The following LPCAT2 variants were observed in gnomAD, a reference collection of about 807,000 sequenced individuals.
LPCAT2 encodes the protein 1-AGP acyltransferase 11.
Under a neutral mutation model 64.7 loss-of-function variants are expected in LPCAT2, and 58 were observed. That is an observed-to-expected ratio of 0.90 (90% CI 0.73 to 1.12). The LOEUF is 1.12. Among genes scored for constraint, LPCAT2 ranks in the 50% most tolerant of loss-of-function variants. The pLI, the probability that LPCAT2 is intolerant of heterozygous loss-of-function variation, is 0.00. For synonymous variants in LPCAT2, 252 were observed against 245.3 expected (o/e 1.03, Z -0.26); for missense variants, 579 against 669.8 (o/e 0.86, Z 1.50).
intron 13 of LPCAT2, among the ~76,000 whole-genome samples, chr16:55,580,871 TAG>T (rs1428651369): frequency 1.3e-5 from 2 of 152,236 alleles, no homozygotes; most frequent in Admixed American, 6.5e-5. Context: ...GTGAGGGATC[TAG>T]GTTGCACGTT....
At chr16:55,521,028 C>A (rs1003430138) in intron 1 of LPCAT2, among the ~76,000 whole-genome samples, 1 of 151,490 alleles carries the variant, frequency 6.6e-6, no homozygotes, top group African/African-American at 2.4e-5. Context: ...AGAAAACAAA[C>A]CACATAGAAA....
chr16:55,544,562 A>G (rs1406018125), intron 8 of LPCAT2, among the ~76,000 whole-genome samples: 1 of 152,246 alleles, frequency 6.6e-6, no homozygotes, highest in Admixed American at 6.5e-5. Context: ...AACACCTAGC[A>G]TGATGCCTGG....
Position 55,529,793 on chromosome 16 carries a change from G to C in LPCAT2, c.530-42G>C. On this transcript the variant is annotated intron_variant, in intron 3 of 13. Coordinates refer to ENST00000262134, the MANE Select transcript of LPCAT2 (RefSeq NM_017839.5). The stretch of plus-strand genomic sequence containing the variant: ...CAGTATTATTGCTGTGGTTGCTTTA[G>C]CCAAAAAATGGCTTGCCTGTAACTT... 3 of 1,269,950 alleles carry C rather than the reference G, an allele frequency of 2.4e-6. No homozygotes were observed. The South Asian group carries it at 4.3e-5, about 18-fold the overall frequency. 78.7% of individuals were successfully genotyped at this position (1,269,950 alleles called of 1,614,324 possible).
Position 55,582,946 on chromosome 16 carries a change from G to A in LPCAT2, c.1483G>A (p.Glu495Lys). 6.2e-7 allele frequency: 1 copy of A among 1,613,022 alleles called. No homozygotes were observed. The highest frequency in any genetic ancestry group is 8.5e-7 in the Non-Finnish European group (1 of 1,179,360). ...TAAAAGTTTTGCCTTAAAGCATCCAGAATATGCTAAGATATTTACAACATA... is the reference window on the plus strand; with the variant it reads ...TAAAAGTTTTGCCTTAAAGCATCCAAAATATGCTAAGATATTTACAACATA... ...EFKSFALKHPEYAKIFTTYLD... is the reference protein window; with the variant it reads ...EFKSFALKHPKYAKIFTTYLD... Residue 495 changes from glutamate to lysine, a missense_variant, in exon 14 of 14, where the codon GAA becomes AAA. By Grantham distance (56) the Glu-to-Lys change is moderately conservative. Coordinates refer to ENST00000262134, the MANE Select transcript of LPCAT2 (RefSeq NM_017839.5).
In LPCAT2 at chr16:55,533,011, C is replaced by T. The variant is rs1251351621; in HGVS notation, c.762+129C>T. 7 of 636,690 alleles carry T rather than the reference C, an allele frequency of 1.1e-5. No homozygotes were observed. The East Asian group carries it at 1.8e-4, about 16-fold the overall frequency. 39.4% of individuals were successfully genotyped at this position (636,690 alleles called of 1,614,324 possible). On this transcript the variant is annotated intron_variant, in intron 6 of 13. Transcript: ENST00000262134. ...GTGGAAGCAAATGGGAGAGCTCATT[C>T]TGCTCGCCACATCTAGTTTTTAAAA...
At chr16:55,541,838 A>T (rs1457383849) in intron 8 of LPCAT2, 6 of 1,285,706 alleles carry the variant, frequency 4.7e-6, no homozygotes, top group African/African-American at 1.5e-5. Flanking sequence ...TCTCATCTAG[A>T]TGTTTCTGTT....
chr16:55,517,417 T>G (rs557562270), intron 1 of LPCAT2, among the ~76,000 whole-genome samples: 3 of 152,032 alleles, frequency 2.0e-5, no homozygotes, highest in Admixed American at 2.0e-4. Flanking sequence ...AAAGGGTTAA[T>G]GAAGAATTAA....
At chr16:55,557,057 T>C (rs906498403) in intron 11 of LPCAT2, 1 of 152,210 alleles carries the variant, frequency 6.6e-6, no homozygotes, top group African/African-American at 2.4e-5. Flanking sequence ...TTTTTGATGT[T>C]GTTTGTTTGT....
chr16:55,566,483 T>G (rs535817334), intron 11 of LPCAT2, among the ~76,000 whole-genome samples: 2 of 152,288 alleles, frequency 1.3e-5, no homozygotes, highest in East Asian at 3.9e-4. Context: ...TCTTTAAAAC[T>G]ATTATCCTAA....
rs184280382 is a variant in LPCAT2, at chr16:55,576,855, G to T, written c.1314+2126G>T. On this transcript the variant is annotated intron_variant, in intron 12 of 13. Coordinates refer to ENST00000262134, the MANE Select transcript of LPCAT2 (RefSeq NM_017839.5). ...GGGAAATTGAAGAGTTTAGAGAGGG[G>T]AGTTATGGCAAAGGACACATATAGA... is the stretch of plus-strand genomic sequence containing the variant. 2.6e-3 allele frequency among the ~76,000 whole-genome samples: 389 copies of T among 152,204 alleles called. 1 individual carries two copies. Among genetic ancestry groups the T allele is most frequent in the Non-Finnish European group, 3.8e-3 (255 of 67,994 alleles).
intron 11 of LPCAT2, among the ~76,000 whole-genome samples, chr16:55,573,344 C>A (rs1401150032): frequency 6.6e-6 from 1 of 151,962 alleles, no homozygotes; most frequent in Non-Finnish European, 1.5e-5. Flanking sequence ...GTTCTATGAA[C>A]CTAGAGTAGT....
intron 6 of LPCAT2, among the ~76,000 whole-genome samples, chr16:55,533,173 C>T (rs1173784706): frequency 1.3e-5 from 2 of 152,018 alleles, no homozygotes; most frequent in Admixed American, 6.6e-5. Context: ...ATTAGGGTCT[C>T]ATTAGAATGA....
chr16:55,549,503 C>A, intron 10 of LPCAT2, 101 bp downstream of exon 10: 1 of 1,125,010 alleles, frequency 8.9e-7, no homozygotes, highest in South Asian at 1.7e-5. Context: ...AGCTCTAGTT[C>A]CCATTTGGTG....
chr16:55,539,565 A>T (rs1479343615), intron 8 of LPCAT2: 1 of 152,088 alleles, frequency 6.6e-6, no homozygotes, highest in African/African-American at 2.4e-5. Context: ...ACTTTATGAT[A>T]TTTTAATATT....
In LPCAT2 at chr16:55,567,580, A is replaced by T. The variant is rs1243678090; in HGVS notation, c.1216-7051A>T. 2.2e-6 allele frequency: 3 copies of T among 1,392,032 alleles called. No homozygotes were observed. The African/African-American group carries it at 4.3e-5, about 20-fold the overall frequency. 86.2% of individuals were successfully genotyped at this position (1,392,032 alleles called of 1,614,324 possible). ...TGCCAAGCTGTACACAGTTGCTGAT[A>T]CCCTGTGCAACAGCTCTCATTTCCT... On this transcript the variant is annotated intron_variant, in intron 11 of 13. Transcript: ENST00000262134.
intron 6 of LPCAT2, among the ~76,000 whole-genome samples, chr16:55,533,406 G>GGTTT (rs1183017645): frequency 1.0e-5 from 1 of 96,444 alleles, no homozygotes; most frequent in African/African-American, 4.1e-5. Context: ...TGTTTTTCGG[G>GGTTT]TTTTTTTTTT....
chr16:55,556,313 C>T (rs1963573829), intron 11 of LPCAT2, among the ~76,000 whole-genome samples: 2 of 151,970 alleles, frequency 1.3e-5, no homozygotes, highest in Admixed American at 6.6e-5. Context: ...CAAACCAGGA[C>T]AGGAGATAGG....
Position 55,537,514 on chromosome 16 carries a change from T to C in LPCAT2, c.798-64T>C, listed in dbSNP as rs2142387875. 11 of 1,286,620 alleles carry C rather than the reference T, an allele frequency of 8.5e-6. No individual in the cohort carries two copies. The South Asian group carries it at 1.4e-4, about 16-fold the overall frequency. The allele number at this position is 1,286,620 out of a possible 1,614,324, so 79.7% of individuals were successfully genotyped here. ...GTATTTGTGTATAAAGAAATGATTGTTGAATAATATAAGATGATACTTGCA... is the reference window on the plus strand; with the variant it reads ...GTATTTGTGTATAAAGAAATGATTGCTGAATAATATAAGATGATACTTGCA... On this transcript the variant is annotated intron_variant, in intron 7 of 13. Transcript: ENST00000262134.
intron 1 of LPCAT2, among the ~76,000 whole-genome samples, chr16:55,510,010 C>CTTTTTTTTTTTTTTTTTT (rs1962907341): frequency 4.9e-5 from 2 of 41,078 alleles, no homozygotes; most frequent in Non-Finnish European, 7.2e-5. Context: ...TTTTTTTTTG[C>CTTTTTTTTTTTTTTTTTT]CTTAGGAAGG....
Sources: allele counts gnomAD v4.1 joint callset (sites outside exome capture counted in the v4.1 genomes callset), GRCh38; gene constraint gnomAD v4.1.1; transcripts MANE v1.5; gene names NCBI Gene and HGNC (gene_info 2026-07-23, HGNC 2026-07-21).